The following DLGAP2 variants were observed in gnomAD, a reference collection of about 807,000 sequenced individuals.
The protein encoded by DLGAP2 is DLG associated protein 2, also known as disks large-associated protein 2.
In DLGAP2, 26 loss-of-function variants were observed where a neutral mutation model predicts 100.3. The observed-to-expected ratio is 0.26, with a 90% CI of 0.19 to 0.36. The LOEUF is 0.36. Ranked by LOEUF, DLGAP2 falls within the 10% of genes least tolerant of loss-of-function variation. The pLI is 1.00. For missense variants in DLGAP2, 1,858 were observed against 1,453.2 expected (o/e 1.28, Z -4.53); for synonymous variants, 886 against 630.1 (o/e 1.41, Z -6.08).
At chr8:1,313,851 C>G (rs575750068) in intron 3 of DLGAP2, among the ~76,000 whole-genome samples, 26 of 152,152 alleles carry the variant, frequency 1.7e-4, no homozygotes, top group Non-Finnish European at 1.8e-4. Context: ...ATCCCCCTCT[C>G]ATATTCATCA....
chr8:804,338 AG>A (rs1368202599), intron 1 of DLGAP2, among the ~76,000 whole-genome samples: 10 of 152,190 alleles, frequency 6.6e-5, no homozygotes, highest in African/African-American at 2.2e-4. Flanking sequence ...GTAAGTTCAA[AG>A]AGAGGCAGGC....
intron 6 of DLGAP2, among the ~76,000 whole-genome samples, chr8:1,594,778 T>C (rs1584968659): frequency 2.0e-5 from 3 of 152,290 alleles, no homozygotes; most frequent in Admixed American, 2.0e-4. Context: ...GCCAAAAATA[T>C]AGTTTTTTTA....
intron 2 of DLGAP2, among the ~76,000 whole-genome samples, chr8:945,718 T>C (rs1305443453): frequency 1.3e-5 from 2 of 152,182 alleles, no homozygotes; most frequent in Non-Finnish European, 2.9e-5. Flanking sequence ...TTGGGAACAT[T>C]TACAGGGAAC....
chr8:769,035 A>G (rs1222272584), intron 1 of DLGAP2, among the ~76,000 whole-genome samples: 3 of 151,922 alleles, frequency 2.0e-5, no homozygotes, highest in African/African-American at 7.3e-5. Context: ...GATTGTTTCG[A>G]GTATTAGGTG....
intron 3 of DLGAP2, among the ~76,000 whole-genome samples, chr8:1,363,129 C>T (rs957400840): frequency 2.0e-5 from 3 of 152,228 alleles, no homozygotes; most frequent in Admixed American, 1.3e-4. Context: ...AAAGAAAATA[C>T]CATGTGGGCC....
At chr8:1,614,103 C>T (rs1797071671) in intron 6 of DLGAP2, among the ~76,000 whole-genome samples, 1 of 152,176 alleles carries the variant, frequency 6.6e-6, no homozygotes, top group African/African-American at 2.4e-5. Flanking sequence ...TATGCCCTGG[C>T]TTCAGCGGTG....
chr8:1,601,174 C>T (rs1389089576), intron 6 of DLGAP2, among the ~76,000 whole-genome samples: 1 of 152,182 alleles, frequency 6.6e-6, no homozygotes, highest in African/African-American at 2.4e-5. Flanking sequence ...CACTCCAGAC[C>T]CTGTTTGCCT....
intron 2 of DLGAP2, among the ~76,000 whole-genome samples, chr8:1,255,949 G>A (rs1465691242): frequency 3.2e-5 from 4 of 125,894 alleles, no homozygotes; most frequent in African/African-American, 1.4e-4. Context: ...CTGCCTGGGT[G>A]CTGTGTGTGT....
At chr8:1,445,742 C>T (rs1405027793) in intron 3 of DLGAP2, among the ~76,000 whole-genome samples, 4 of 152,182 alleles carry the variant, frequency 2.6e-5, no homozygotes, top group African/African-American at 9.6e-5. Flanking sequence ...CACATCCTCT[C>T]CAGCACCTGT....
At chr8:1,254,050 C>T (rs371772983) in intron 2 of DLGAP2, among the ~76,000 whole-genome samples, 14 of 152,318 alleles carry the variant, frequency 9.2e-5, no homozygotes, top group Admixed American at 3.9e-4. Context: ...TGAGCCGCCT[C>T]GTGAGGCTTC....
intron 2 of DLGAP2, among the ~76,000 whole-genome samples, chr8:1,092,254 A>G (rs184276363): frequency 1.9e-4 from 29 of 152,040 alleles, no homozygotes; most frequent in African/African-American, 6.5e-4. Flanking sequence ...TGTCTTCACA[A>G]TTTTCCAACT....
chr8:956,459 C>A (rs1342681728), intron 2 of DLGAP2, among the ~76,000 whole-genome samples: 1 of 152,128 alleles, frequency 6.6e-6, no homozygotes, highest in Non-Finnish European at 1.5e-5. Flanking sequence ...AATGAGAGGA[C>A]CCTCTCAGCT....
At chr8:1,271,361 A>G (rs532215559) in intron 3 of DLGAP2, among the ~76,000 whole-genome samples, 3 of 152,284 alleles carry the variant, frequency 2.0e-5, no homozygotes, top group Admixed American at 6.5e-5. Context: ...TTTAAGCACA[A>G]TGCATGGCAC....
rs561356746 is a variant in DLGAP2 at position 1,383,133 on chromosome 8, C to A, written c.107-118233C>A. 7.2e-5 allele frequency among the ~76,000 whole-genome samples: 11 copies of A among 152,206 alleles called. No homozygotes were observed. In the South Asian group the frequency reaches 1.7e-3, roughly 23 times the overall value. On this transcript the variant is annotated intron_variant, in intron 3 of 14. Transcript: ENST00000637795. ...ATGTTGTGACATTGCAGGGATCATCCCCTTTATCTATTTTGGCAAATTTAT... is the reference window on the plus strand; with the variant it reads ...ATGTTGTGACATTGCAGGGATCATCACCTTTATCTATTTTGGCAAATTTAT...
rs527493486 is a variant in DLGAP2 at position 989,570 on chromosome 8, C to T, written c.73+81604C>T. 3.5e-3 allele frequency among the ~76,000 whole-genome samples: 540 copies of T among 152,194 alleles called. 4 individuals are homozygous for T. Among genetic ancestry groups the T allele is most frequent in the African/African-American group, 0.012 (516 of 41,530 alleles). ...CATGTGTGATTGTGACCCAGCAGGA[C>T]GAGCTCTTCCTGCCCTGGGGTCAGG... On this transcript the variant is annotated intron_variant, in intron 2 of 14. Transcript: ENST00000637795.
chr8:1,188,955 G>C (rs982818778), intron 2 of DLGAP2, among the ~76,000 whole-genome samples: 1 of 152,074 alleles, frequency 6.6e-6, no homozygotes, highest in Non-Finnish European at 1.5e-5. Flanking sequence ...CCGCGGTTGG[G>C]GTTGACCGTA....
At chr8:850,891 A>C (rs1304696843) in intron 1 of DLGAP2, among the ~76,000 whole-genome samples, 1 of 152,080 alleles carries the variant, frequency 6.6e-6, no homozygotes, top group Non-Finnish European at 1.5e-5. Context: ...AATTTTTCTC[A>C]CAAAATATTG....
intron 2 of DLGAP2, among the ~76,000 whole-genome samples, chr8:1,182,846 G>T (rs567027228): frequency 6.6e-6 from 1 of 152,200 alleles, no homozygotes; most frequent in African/African-American, 2.4e-5. Flanking sequence ...GACGGACTCC[G>T]CAGCCTGTGG....
intron 2 of DLGAP2, among the ~76,000 whole-genome samples, chr8:990,440 G>A (rs528992660): frequency 1.3e-4 from 4 of 30,206 alleles, no homozygotes; most frequent in Non-Finnish European, 1.7e-4. Context: ...CCCCATACTC[G>A]GAGTTCCTGT....
Sources: gnomAD v4.1 joint callset for allele counts (sites outside exome capture counted in the v4.1 genomes callset) on GRCh38, gnomAD v4.1.1 for gene constraint, MANE v1.5 for transcripts, NCBI Gene and HGNC (gene_info 2026-07-23, HGNC 2026-07-21) for gene names.